ERC2: variants seen among roughly 807,000 people sequenced by gnomAD.
ERC2 encodes ERC protein 2.
In ERC2, 42 loss-of-function variants were observed where a neutral mutation model predicts 114.8. The observed-to-expected ratio is 0.37, with a 90% confidence interval of 0.29 to 0.47. The LOEUF is 0.47. Among genes scored for constraint, ERC2 ranks in the 20% least tolerant of loss-of-function variants. The pLI, the probability that ERC2 is intolerant of heterozygous loss-of-function variation, is 0.99. For missense variants in ERC2, 939 were observed against 1,150.7 expected, an observed-to-expected ratio of 0.82 and a Z score of 2.66; for synonymous variants, 454 against 425.5, an observed-to-expected ratio of 1.07 and a Z score of -0.82.
At chr3:55,712,485 C>T (rs2063825474) in intron 15 of ERC2, among the ~76,000 whole-genome samples, 1 of 152,224 alleles carries the variant, frequency 6.6e-6, no homozygotes, top group African/African-American at 2.4e-5. Context: ...TGGGGCTTTA[C>T]TTCTCTGCAG....
intron 12 of ERC2, among the ~76,000 whole-genome samples, chr3:55,967,481 A>C (rs1038679166): frequency 2.0e-5 from 3 of 152,174 alleles, no homozygotes; most frequent in African/African-American, 7.2e-5. Flanking sequence ...TTCTGGTATA[A>C]ATCCTAAATT....
intron 7 of ERC2, among the ~76,000 whole-genome samples, chr3:56,038,921 T>C (rs1295795152): frequency 1.3e-5 from 2 of 152,106 alleles, no homozygotes; most frequent in Non-Finnish European, 2.9e-5. Flanking sequence ...AAACACCCAC[T>C]GGGGCCTGTG....
chr3:55,662,078 G>A (rs1455343312), intron 17 of ERC2, among the ~76,000 whole-genome samples: 1 of 152,144 alleles, frequency 6.6e-6, no homozygotes, highest in Admixed American at 6.5e-5. Flanking sequence ...GGACTCTTGG[G>A]GGCAATCCTG....
At chr3:56,205,910 A>G (rs1377844999) in intron 3 of ERC2, among the ~76,000 whole-genome samples, 2 of 152,168 alleles carry the variant, frequency 1.3e-5, no homozygotes, top group Non-Finnish European at 2.9e-5. Context: ...ATTAAATCTC[A>G]GACAAATTAT....
intron 10 of ERC2, among the ~76,000 whole-genome samples, chr3:55,994,031 G>C (rs2071290718): frequency 6.6e-6 from 1 of 152,014 alleles, no homozygotes; most frequent in Admixed American, 6.6e-5. Context: ...CATTACTTTT[G>C]TTACAGAAAA....
chr3:55,589,331 C>A (rs966069385), intron 17 of ERC2, among the ~76,000 whole-genome samples: 1 of 151,840 alleles, frequency 6.6e-6, no homozygotes, highest in Non-Finnish European at 1.5e-5. Context: ...GTGGTTGGTG[C>A]GCAAACGAGC....
chr3:55,562,091 T>C (rs1053433455), intron 17 of ERC2, among the ~76,000 whole-genome samples: 1 of 152,156 alleles, frequency 6.6e-6, no homozygotes, highest in Non-Finnish European at 1.5e-5. Context: ...GATTGAGCTA[T>C]ACCTCAAGGC....
intron 3 of ERC2, among the ~76,000 whole-genome samples, chr3:56,221,391 C>CA (rs1239518769): frequency 8.5e-6 from 1 of 117,468 alleles, no homozygotes; most frequent in Non-Finnish European, 1.9e-5. Flanking sequence ...GTTGTCATCT[C>CA]ACCAAAAAAA....
At chr3:56,187,542 G>A (rs761987160) in intron 3 of ERC2, among the ~76,000 whole-genome samples, 4 of 152,032 alleles carry the variant, frequency 2.6e-5, no homozygotes, top group Non-Finnish European at 4.4e-5. Flanking sequence ...GCACATACAC[G>A]CATCCACACA....
chr3:55,764,298 T>C (rs941300183), intron 14 of ERC2, among the ~76,000 whole-genome samples: 9 of 152,244 alleles, frequency 5.9e-5, no homozygotes, highest in African/African-American at 2.2e-4. Flanking sequence ...ACCATTTTCT[T>C]CTTAGGCAAT....
At chr3:56,139,345 A>G (rs1037083342) in intron 6 of ERC2, among the ~76,000 whole-genome samples, 164 bp downstream of exon 6, 7 of 152,204 alleles carry the variant, frequency 4.6e-5, no homozygotes, top group African/African-American at 1.4e-4. Flanking sequence ...TACACAATCT[A>G]TACAATGCAT....
chr3:56,081,118 C>T (rs1466140080), intron 6 of ERC2, 134 bp from the exon 7 acceptor site: 2 of 829,272 alleles, frequency 2.4e-6, no homozygotes, highest in Admixed American at 2.9e-5. Flanking sequence ...GCTCATGGCA[C>T]CTCACTGCCC....
intron 7 of ERC2, among the ~76,000 whole-genome samples, chr3:56,027,623 G>A (rs2074124893): frequency 6.6e-6 from 1 of 152,066 alleles, no homozygotes; most frequent in South Asian, 2.1e-4. Flanking sequence ...GTCTCCTTCG[G>A]TAAAATGTCT....
At chr3:56,296,973 C>A (rs1486396103) in intron 2 of ERC2, among the ~76,000 whole-genome samples, 1 of 152,078 alleles carries the variant, frequency 6.6e-6, no homozygotes, top group Non-Finnish European at 1.5e-5. Flanking sequence ...AGGATTACTG[C>A]ATCTGCAAGC....
intron 2 of ERC2, among the ~76,000 whole-genome samples, chr3:56,381,830 A>G (rs558904831): frequency 6.6e-6 from 1 of 152,286 alleles, no homozygotes; most frequent in African/African-American, 2.4e-5. Flanking sequence ...ATCTCCCTAT[A>G]GCTCTGTATA....
intron 7 of ERC2, among the ~76,000 whole-genome samples, chr3:56,050,914 G>A (rs138661605): frequency 2.6e-5 from 4 of 152,240 alleles, no homozygotes; most frequent in Non-Finnish European, 5.9e-5. Flanking sequence ...AGAAATATTA[G>A]GTAGGCAGAA....
intron 7 of ERC2, among the ~76,000 whole-genome samples, chr3:56,055,826 T>C (rs192596330): frequency 1.2e-3 from 182 of 152,336 alleles, no homozygotes; most frequent in Non-Finnish European, 2.1e-3. Context: ...CATGCCCTCA[T>C]GCTGAGAATT....
At chr3:55,862,667 G>A (rs930132737) in intron 14 of ERC2, among the ~76,000 whole-genome samples, 2 of 152,164 alleles carry the variant, frequency 1.3e-5, no homozygotes, top group Admixed American at 1.3e-4. Flanking sequence ...AGAGAAAAGA[G>A]GATCTCTGGA....
At chr3:56,047,439 G>C (rs975310865) in intron 7 of ERC2, among the ~76,000 whole-genome samples, 4 of 152,228 alleles carry the variant, frequency 2.6e-5, no homozygotes, top group Admixed American at 1.3e-4. Flanking sequence ...CTGCTATAAG[G>C]CATCAAGGAG....
Sources: allele counts gnomAD v4.1 joint callset (sites outside exome capture counted in the v4.1 genomes callset), GRCh38; gene constraint gnomAD v4.1.1; transcripts MANE v1.5; gene names NCBI Gene and HGNC (gene_info 2026-07-23, HGNC 2026-07-21).